The following SELENOF variants were observed in gnomAD, a reference collection of about 807,000 sequenced individuals.
The protein encoded by SELENOF is 15 kDa selenoprotein.
A neutral mutation model predicts 20.5 loss-of-function variants in SELENOF; 16 were observed. The ratio of observed to expected loss-of-function variants is 0.78; its 90% CI spans 0.53 to 1.19. The LOEUF is 1.19. Among genes scored for constraint, SELENOF ranks in the 50% most tolerant of loss-of-function variants. The probability of loss-of-function intolerance (pLI) is 0.00; values close to 1 mark genes in which losing one functional copy is unlikely to be tolerated. For synonymous variants in SELENOF, 78 were observed against 74.5 expected, an observed-to-expected ratio of 1.05 and a Z score of -0.24; for missense variants, 215 against 194.2, an observed-to-expected ratio of 1.11 and a Z score of -0.64.
rs1658497841 is a variant in SELENOF, at chr1:86,863,101, A to T, written c.*373T>A. On this transcript the variant is annotated 3_prime_UTR_variant, in exon 5 of 5. Transcript: ENST00000331835. ...TAGTCTGCTGTCATTCCTTTCAAAG[A>T]GCACACAGCACATGAGGCATAGTAA... 1 of 160,258 alleles carries T rather than the reference A, an allele frequency of 6.2e-6. No homozygotes were observed. The highest frequency in any genetic ancestry group is 6.4e-5 in the Admixed American group (1 of 15,542). The allele number at this position is 160,258 out of a possible 1,614,324, so 9.9% of individuals were successfully genotyped here. A position where few individuals can be genotyped will look rare whatever the true frequency, so the allele number is the denominator to read the frequency against.
At chr1:86,864,420 A>T (rs879670620) in intron 4 of SELENOF, among the ~76,000 whole-genome samples, 5 of 152,236 alleles carry the variant, frequency 3.3e-5, no homozygotes, top group Admixed American at 3.3e-4. Flanking sequence ...GTAGTTATGT[A>T]GTTCGGCAGT....
rs371798803 is a variant in SELENOF, at chr1:86,899,032, T to C, written c.252+4249A>G. 2.7e-4 allele frequency among the ~76,000 whole-genome samples: 41 copies of C among 152,070 alleles called. No individual in the cohort carries two copies. In the East Asian group the frequency reaches 4.1e-3, roughly 15 times the overall value. ...AAGCATCTGTTTAACAAAGCACATC[T>C]TGCACCGCCCTTAATCCATTTAACC... On this transcript the variant is annotated intron_variant, in intron 2 of 4. Coordinates refer to ENST00000331835, the MANE Select transcript of SELENOF (RefSeq NM_004261.5).
chr1:86,886,870 T>C (rs1030638561), intron 2 of SELENOF, among the ~76,000 whole-genome samples: 9 of 152,152 alleles, frequency 5.9e-5, no homozygotes, highest in Non-Finnish European at 1.3e-4. Context: ...CACTGTATTA[T>C]TTAGATATTC....
chr1:86,883,003 T>C (rs114797033), intron 2 of SELENOF, among the ~76,000 whole-genome samples: 1 of 151,888 alleles, frequency 6.6e-6, no homozygotes, highest in Non-Finnish European at 1.5e-5. Context: ...GGCAGGCGCC[T>C]TAATCCCAGC....
chr1:86,873,304 T>C (rs1388103132), intron 3 of SELENOF, among the ~76,000 whole-genome samples: 1 of 151,864 alleles, frequency 6.6e-6, no homozygotes, highest in Admixed American at 6.6e-5. Flanking sequence ...TTTCTGACCT[T>C]GGTAATATAT....
chr1:86,875,535 A>G (rs1658903452), intron 3 of SELENOF, among the ~76,000 whole-genome samples: 1 of 152,260 alleles, frequency 6.6e-6, no homozygotes, highest in Non-Finnish European at 1.5e-5. Context: ...AAGTGGGGGC[A>G]TCCCTTGAAT....
intron 1 of SELENOF, chr1:86,913,741 C>A: frequency 2.7e-6 from 1 of 366,566 alleles, no homozygotes. Flanking sequence ...TTATTATTCC[C>A]CCCTCCCACC....
At chr1:86,902,998 G>A (rs1191658865) in intron 2 of SELENOF, among the ~76,000 whole-genome samples, 1 of 152,196 alleles carries the variant, frequency 6.6e-6, no homozygotes, top group African/African-American at 2.4e-5. Flanking sequence ...CATTTGGCCA[G>A]AAGTTAGGAA....
rs571228564 is a variant in SELENOF at position 86,909,875 on chromosome 1, C to T, written c.84+4153G>A. On this transcript the variant is annotated intron_variant, in intron 1 of 4. Coordinates refer to ENST00000331835, the MANE Select transcript of SELENOF (RefSeq NM_004261.5). The stretch of plus-strand genomic sequence containing the variant: ...AAAAAATTAGCTGGGCGTGGGGGCG[C>T]GTGCCTGTAATCATAGCTACTCGGG... Among the ~76,000 whole-genome samples the T allele has an allele frequency of 8.5e-5, 13 of 152,160 alleles. No individual in the cohort carries two copies. In the South Asian group the frequency reaches 1.5e-3, roughly 17 times the overall value.
At chr1:86,877,408 G>A (rs1201494359) in intron 3 of SELENOF, among the ~76,000 whole-genome samples, 1 of 152,192 alleles carries the variant, frequency 6.6e-6, no homozygotes, top group Non-Finnish European at 1.5e-5. Flanking sequence ...GTTGGCATGA[G>A]CAGCAGGTTG....
At chr1:86,881,944 G>C (rs996118915) in intron 2 of SELENOF, among the ~76,000 whole-genome samples, 1 of 151,986 alleles carries the variant, frequency 6.6e-6, no homozygotes, top group Non-Finnish European at 1.5e-5. Context: ...TTAAGAATAG[G>C]TTAATTTGGC....
At chr1:86,868,562 GA>G (rs1293612224) in intron 3 of SELENOF, among the ~76,000 whole-genome samples, 1 of 152,126 alleles carries the variant, frequency 6.6e-6, no homozygotes, top group East Asian at 1.9e-4. Context: ...GAGAGAGGGA[GA>G]GGGGAAGGGG....
chr1:86,912,175 T>C (rs1660001955), intron 1 of SELENOF, among the ~76,000 whole-genome samples: 1 of 152,192 alleles, frequency 6.6e-6, no homozygotes, highest in African/African-American at 2.4e-5. Flanking sequence ...CAAGACGCTG[T>C]TATTTCTGAG....
At chr1:86,902,870 T>C (rs946151588) in intron 2 of SELENOF, among the ~76,000 whole-genome samples, 2 of 152,210 alleles carry the variant, frequency 1.3e-5, no homozygotes, top group Admixed American at 6.5e-5. Context: ...GATTTCATGT[T>C]ACAATTTATT....
At chr1:86,887,389 C>T (rs938978848) in intron 2 of SELENOF, among the ~76,000 whole-genome samples, 1 of 152,044 alleles carries the variant, frequency 6.6e-6, no homozygotes, top group Non-Finnish European at 1.5e-5. Context: ...TTTTACTATA[C>T]CATTAAAGTG....
chr1:86,905,295 C>A (rs1435978207), intron 1 of SELENOF, among the ~76,000 whole-genome samples: 1 of 152,154 alleles, frequency 6.6e-6, no homozygotes, highest in Non-Finnish European at 1.5e-5. Context: ...TTCCTCAATT[C>A]CTCCTGCTAT....
At chr1:86,887,735 G>T (rs1437349908) in intron 2 of SELENOF, among the ~76,000 whole-genome samples, 2 of 152,054 alleles carry the variant, frequency 1.3e-5, no homozygotes, top group Non-Finnish European at 2.9e-5. Flanking sequence ...AAAATAAGGG[G>T]TAAGACTGTA....
intron 3 of SELENOF, among the ~76,000 whole-genome samples, chr1:86,871,049 A>G (rs565137889): frequency 1.2e-3 from 186 of 152,304 alleles, no homozygotes; most frequent in Non-Finnish European, 2.4e-3. Flanking sequence ...GTAGATCCAT[A>G]GCTTCCTAAT....
In SELENOF at chr1:86,863,416, T is replaced by G. The variant is rs1352091438; in HGVS notation, c.*58A>C. 2 of 1,429,150 alleles carry G rather than the reference T, an allele frequency of 1.4e-6. No individual in the cohort carries two copies. The highest frequency in any genetic ancestry group is 2.9e-5 in the African/African-American group (2 of 69,796). 88.5% of individuals were successfully genotyped at this position (1,429,150 alleles called of 1,614,324 possible). On this transcript the variant is annotated 3_prime_UTR_variant, in exon 5 of 5. Coordinates refer to ENST00000331835, the MANE Select transcript of SELENOF (RefSeq NM_004261.5). ...AAGCAAAACTAAATTATTTTCTAGGTGCTGTAATATTTCATTTGATAAGGT... is the reference window on the plus strand; with the variant it reads ...AAGCAAAACTAAATTATTTTCTAGGGGCTGTAATATTTCATTTGATAAGGT...
Sources: gnomAD v4.1 joint callset for allele counts (sites outside exome capture counted in the v4.1 genomes callset) on GRCh38, gnomAD v4.1.1 for gene constraint, MANE v1.5 for transcripts, NCBI Gene and HGNC (gene_info 2026-07-23, HGNC 2026-07-21) for gene names.